Variants in PLK2 observed in about 807,000 individuals in gnomAD.
PLK2 encodes the protein serine/threonine-protein kinase PLK2.
In PLK2, 25 loss-of-function variants were observed where a neutral mutation model predicts 78.1. The observed-to-expected ratio is 0.32, with a 90% confidence interval of 0.23 to 0.45. PLK2 has a LOEUF of 0.45. Ranked by LOEUF, PLK2 falls within the 20% of genes least tolerant of loss-of-function variation. The probability of loss-of-function intolerance (pLI) is 1.00; values close to 1 mark genes in which losing one functional copy is unlikely to be tolerated. For synonymous variants in PLK2, 332 were observed against 298.2 expected (o/e 1.11, Z -1.17); for missense variants, 566 against 840.2 (o/e 0.67, Z 4.04).
Position 58,456,523 on chromosome 5 carries a change from G to C in PLK2, c.1223C>G (p.Thr408Ser). The change falls in exon 9 of 14, where the codon ACT (threonine) becomes AGT (serine). Residue 408 changes from threonine to serine, a missense_variant. Around this residue, in one of 5 missense-constraint regions of PLK2, gnomAD observed 129 missense variants for 156.0 expected, o/e 0.83. Transcript: ENST00000274289. The stretch of plus-strand genomic sequence containing the variant: ...TGTCCTGTGTTTGCTGGGTTGCTGA[G>C]TTATTGAAGTCTTTTTCAAATCATG... ...LRHDLKKTSI[T>S]QQPSKHRTDE... is the part of the protein sequence containing the mutation. 1 of 1,612,144 alleles carries C rather than the reference G, an allele frequency of 6.2e-7. No individual in the cohort carries two copies. Among genetic ancestry groups the C allele is most frequent in the Non-Finnish European group, 8.5e-7 (1 of 1,178,288 alleles).
chr5:58,459,707 C>T lies in PLK2; in HGVS notation c.253G>A (p.Gly85Ser), dbSNP rs1743704611. 1 of 1,593,032 alleles carries T rather than the reference C, an allele frequency of 6.3e-7. No homozygotes were observed. Among genetic ancestry groups the T allele is most frequent in the South Asian group, 1.1e-5 (1 of 90,030 alleles). The change falls in exon 1 of 14, where the codon GGC (glycine) becomes AGC (serine). Residue 85 changes from glycine (G) to serine (S), a missense_variant. By Grantham distance (56) the Gly-to-Ser change is moderately conservative. Coordinates refer to ENST00000274289, the MANE Select transcript of PLK2 (RefSeq NM_006622.4). ...CTTGTCACCTTTCCCAGCACTTTGC[C>T]CCGGCAGTAGCGCTTCCCAGTCGTG... ...DPTTGKRYCR[G>S]KVLGKGGFAK... is the part of the protein sequence containing the mutation.
Position 58,459,798 on chromosome 5 carries a change from C to G in PLK2, c.162G>C (p.Ala54=). The G allele has an allele frequency of 1.2e-6, 2 of 1,608,534 alleles. No individual in the cohort carries two copies. The highest frequency in any genetic ancestry group is 1.7e-6 in the Non-Finnish European group (2 of 1,179,832). ...PPQSQAQVPP[A]APHHHHHHSH... ...AATGGTGGTGATGGTGGTGAGGGGCCGCCGGGGGCACTTGCGCCTGGGACT... is the reference window on the plus strand; with the variant it reads ...AATGGTGGTGATGGTGGTGAGGGGCGGCCGGGGGCACTTGCGCCTGGGACT... The change falls in exon 1 of 14, where the codon GCG becomes GCC. Residue 54 remains alanine (A), a synonymous_variant. Coordinates refer to ENST00000274289, the MANE Select transcript of PLK2 (RefSeq NM_006622.4).
rs1326482913 is a variant in PLK2 at position 58,455,684 on chromosome 5, T to G, written c.1480A>C (p.Lys494Gln). ...TGAAATGATGTGCTCAGCTGCTCTT[T>G]GGGAATGCAATCAGCTTCCGGCATG... is the stretch of plus-strand genomic sequence containing the variant. ...ENMPEADCIP[K>Q]EQLSTSFQWV... Residue 494 changes from lysine (K) to glutamine (Q), a missense_variant, in exon 11 of 14, where the codon AAA (lysine) becomes CAA (glutamine). Lys to Gln is a moderately conservative substitution (Grantham distance 53). Transcript: ENST00000274289. 3.1e-6 allele frequency: 5 copies of G among 1,614,182 alleles called. No homozygotes were observed. Among genetic ancestry groups the G allele is most frequent in the Non-Finnish European group, 4.2e-6 (5 of 1,180,036 alleles).
At position 58,457,060 on chromosome 5, in the gene PLK2, A is replaced by G; in HGVS notation, c.1041T>C (p.Cys347=). 1 of 1,613,908 alleles carries G rather than the reference A, an allele frequency of 6.2e-7. No homozygotes were observed. Among genetic ancestry groups the G allele is most frequent in the Non-Finnish European group, 8.5e-7 (1 of 1,179,892 alleles). ...AGTGGAAATCTGGAACTGTATGACA[A>G]CAGCTAGAAGACAGTCTGTCCGGAG... ...GFTPDRLSSS[C]CHTVPDFHLS... is the part of the protein sequence containing the mutation. The change falls in exon 8 of 14, where the codon TGT becomes TGC. Residue 347 remains cysteine (C), a synonymous_variant. Transcript: ENST00000274289.
Position 58,454,899 on chromosome 5 carries a change from G to T in PLK2, c.1866+12C>A. On this transcript the variant is annotated intron_variant, in intron 13 of 13. Transcript: ENST00000274289. The stretch of plus-strand genomic sequence containing the variant: ...GGACCTAAACGTGCACTTTCCTGAA[G>T]AGTTCATTTACCTGAAAGGTGCCAT... 1 of 1,559,560 alleles carries T rather than the reference G, an allele frequency of 6.4e-7. No homozygotes were observed. Among genetic ancestry groups the T allele is most frequent in the Non-Finnish European group, 8.8e-7 (1 of 1,130,354 alleles).
In PLK2 at chr5:58,459,783, ATGG is replaced by A. The variant is rs781175132; in HGVS notation, c.174_176del (p.His62del). The A allele has an allele frequency of 1.2e-6, 2 of 1,607,984 alleles. No homozygotes were observed. The highest frequency in any genetic ancestry group is 2.2e-5 in the South Asian group (2 of 91,062). On this transcript the variant is annotated inframe_deletion, in exon 1 of 14. Coordinates refer to ENST00000274289, the MANE Select transcript of PLK2 (RefSeq NM_006622.4). ...CCGGCCCCGAGTGCGAATGGTGGTGATGGTGGTGAGGGGCCGCCGGGGGCACTT... is the reference window on the plus strand; with the variant it reads ...CCGGCCCCGAGTGCGAATGGTGGTGATGGTGAGGGGCCGCCGGGGGCACTT...
At chr5:58,457,624 C>T (rs923204261) in intron 5 of PLK2, 41 bp from the exon 6 acceptor site, 1 of 1,188,964 alleles carries the variant, frequency 8.4e-7, no homozygotes, top group Non-Finnish European at 1.3e-6. Context: ...GGAACTATTC[C>T]ACTACTTAAA....
chr5:58,459,083 C>T lies in PLK2; in HGVS notation c.280G>A (p.Ala94Thr). Reference protein sequence around the residue: ...RGKVLGKGGFAKCYEMTDLTN... With the variant: ...RGKVLGKGGFTKCYEMTDLTN... ...AAATCTGTCATCTCGTAACATTTTGCAAAGCCACCCTGAAAGGAAACAAAG... is the reference window on the plus strand; with the variant it reads ...AAATCTGTCATCTCGTAACATTTTGTAAAGCCACCCTGAAAGGAAACAAAG... Residue 94 changes from alanine to threonine, a missense_variant, in exon 2 of 14, where the codon GCA becomes ACA. By Grantham distance (58) the Ala-to-Thr change is moderately conservative. Transcript: ENST00000274289. 2 of 1,598,738 alleles carry T rather than the reference C, an allele frequency of 1.3e-6. No homozygotes were observed. The highest frequency in any genetic ancestry group is 1.7e-6 in the Non-Finnish European group (2 of 1,166,670).
At position 58,454,907 on chromosome 5, in the gene PLK2, T is replaced by C. The variant is rs539249948; in HGVS notation, c.1866+4A>G. On this transcript the variant is annotated splice_donor_region_variant and intron_variant, in intron 13 of 13. Coordinates refer to ENST00000274289, the MANE Select transcript of PLK2 (RefSeq NM_006622.4). ...ACGTGCACTTTCCTGAAGAGTTCAT[T>C]TACCTGAAAGGTGCCATCATTAAAG... 2.5e-6 allele frequency: 4 copies of C among 1,585,372 alleles called. No individual in the cohort carries two copies. The East Asian group carries it at 6.7e-5, about 27-fold the overall frequency.
intron 9 of PLK2, 156 bp from the exon 10 acceptor site, chr5:58,456,311 G>T: frequency 5.0e-6 from 4 of 795,302 alleles, no homozygotes; most frequent in South Asian, 1.8e-5. Flanking sequence ...AAACTCACTT[G>T]CATGCACTGT....
At position 58,454,093 on chromosome 5, in the gene PLK2, T is replaced by A. The variant is rs1160015244; in HGVS notation, c.*490A>T. 6.5e-6 allele frequency: 1 copy of A among 152,850 alleles called. No homozygotes were observed. The highest frequency in any genetic ancestry group is 2.4e-5 in the African/African-American group (1 of 41,476). 9.5% of individuals were successfully genotyped at this position (152,850 alleles called of 1,614,324 possible). ...TGGGCTGTAATAAATAAAAAGTTTA[T>A]TAACAAGGAATGCACTTTTCCAGCC... On this transcript the variant is annotated 3_prime_UTR_variant, in exon 14 of 14. Transcript: ENST00000274289.
intron 8 of PLK2, 64 bp from the exon 9 acceptor site, chr5:58,456,653 T>C (rs928720266): frequency 1.9e-6 from 2 of 1,035,528 alleles, no homozygotes; most frequent in African/African-American, 3.2e-5. Flanking sequence ...ACAGGGTTAG[T>C]CATATTTTCT....
intron 1 of PLK2, 78 bp from the exon 2 acceptor site, chr5:58,459,170 T>A (rs1743687386): frequency 8.0e-6 from 6 of 752,912 alleles, no homozygotes; most frequent in Non-Finnish European, 1.1e-5. Flanking sequence ...AATAAATAAA[T>A]GGGAAGAAAG....
At position 58,456,969 on chromosome 5, in the gene PLK2, T is replaced by G. The variant is rs769501993; in HGVS notation, c.1132A>C (p.Lys378Gln). Residue 378 changes from lysine to glutamine, a missense_variant, in exon 8 of 14, where the codon AAA (lysine) becomes CAA (glutamine). Physicochemically the swap from Lys to Gln is moderately conservative, Grantham distance 53. Around this residue, in one of 5 missense-constraint regions of PLK2, gnomAD observed 129 missense variants for 156.0 expected, o/e 0.83. Transcript: ENST00000274289. ...AAALFGGKKDKARYIDTHNRV... is the reference protein window; with the variant it reads ...AAALFGGKKDQARYIDTHNRV... ...CTATGTGTGTCAATATATCTTGCTTTGTCTTTTTTGCCACCAAAAAGAGCA... is the reference window on the plus strand; with the variant it reads ...CTATGTGTGTCAATATATCTTGCTTGGTCTTTTTTGCCACCAAAAAGAGCA... 2 of 1,610,344 alleles carry G rather than the reference T, an allele frequency of 1.2e-6. No individual in the cohort carries two copies. Among genetic ancestry groups the G allele is most frequent in the African/African-American group, 2.7e-5 (2 of 74,800 alleles).
intron 11 of PLK2, 25 bp from the exon 12 acceptor site, chr5:58,455,439 G>T: frequency 1.2e-6 from 2 of 1,610,946 alleles, no homozygotes; most frequent in Non-Finnish European, 1.7e-6. Context: ...ACGAAAGGGA[G>T]AGAAGAGGAA....
At position 58,459,671 on chromosome 5, in the gene PLK2, G is replaced by C; in HGVS notation, c.270+19C>G. The C allele has an allele frequency of 1.3e-6, 2 of 1,534,734 alleles. No individual in the cohort carries two copies. Among genetic ancestry groups the C allele is most frequent in the Non-Finnish European group, 1.8e-6 (2 of 1,140,316 alleles). ...AGACCTCCCGCCCGCCCGGCAGCCCGGCGCCCTCCGCTTGTCACCTTTCCC... is the reference window on the plus strand; with the variant it reads ...AGACCTCCCGCCCGCCCGGCAGCCCCGCGCCCTCCGCTTGTCACCTTTCCC... On this transcript the variant is annotated intron_variant, in intron 1 of 13. Transcript: ENST00000274289.
At chr5:58,457,140 A>T in intron 7 of PLK2, 41 bp downstream of exon 7, 3 of 1,608,268 alleles carry the variant, frequency 1.9e-6, no homozygotes, top group Non-Finnish European at 2.6e-6. Flanking sequence ...GGTAACTGGG[A>T]TCAATACCAG....
At chr5:58,456,190 C>A in intron 9 of PLK2, 35 bp from the exon 10 acceptor site, 1 of 1,587,962 alleles carries the variant, frequency 6.3e-7, no homozygotes, top group Non-Finnish European at 8.6e-7. Flanking sequence ...ATGAGTCAAG[C>A]ATCTAAATTC....
chr5:58,454,199 A>G lies in PLK2; in HGVS notation c.*384T>C, dbSNP rs1268713539. On this transcript the variant is annotated 3_prime_UTR_variant, in exon 14 of 14. Transcript: ENST00000274289. ...TACGCAGCCAAAAGCTGCTCCAATTACAGCCTTTAAACAACATGGGAGCTT... is the reference window on the plus strand; with the variant it reads ...TACGCAGCCAAAAGCTGCTCCAATTGCAGCCTTTAAACAACATGGGAGCTT... 1.2e-5 allele frequency: 2 copies of G among 165,908 alleles called. No homozygotes were observed. Among genetic ancestry groups the G allele is most frequent in the African/African-American group, 4.8e-5 (2 of 41,994 alleles). 10.3% of individuals were successfully genotyped at this position (165,908 alleles called of 1,614,324 possible). A position where few individuals can be genotyped will look rare whatever the true frequency, so the allele number is the denominator to read the frequency against.
Sources: gnomAD v4.1 joint callset for allele counts on GRCh38, gnomAD v4.1.1 for gene constraint, gnomAD v4.1.1 regional missense constraint, MANE v1.5 for transcripts, NCBI Gene and HGNC (gene_info 2026-07-23, HGNC 2026-07-21) for gene names.